Variants in PIGU observed in about 807,000 individuals in gnomAD.
The protein encoded by PIGU is phosphatidylinositol glycan anchor biosynthesis class U, also known as GPI-anchor transamidase component PIGU.
PIGU carries 24 observed loss-of-function variants against 49.9 expected under a neutral mutation model. That is an observed-to-expected ratio of 0.48 (90% CI 0.35 to 0.68). The LOEUF is 0.68. PIGU is among the 30% of genes least tolerant of loss of function. PIGU has a pLI of 0.01. For synonymous variants in PIGU, 220 were observed against 205.7 expected (o/e 1.07, Z -0.59); for missense variants, 490 against 532.6 (o/e 0.92, Z 0.79).
intron 5 of PIGU, among the ~76,000 whole-genome samples, chr20:34,636,404 C>T (rs1171912201): frequency 2.6e-5 from 4 of 151,720 alleles, no homozygotes; most frequent in African/African-American, 9.7e-5. Flanking sequence ...AATATCCAGG[C>T]GTGGTGGCGG....
At chr20:34,622,966 C>A (rs1389030833) in intron 6 of PIGU, among the ~76,000 whole-genome samples, 1 of 151,978 alleles carries the variant, frequency 6.6e-6, no homozygotes, top group Non-Finnish European at 1.5e-5. Context: ...GGGTGGGGGC[C>A]AAAAGCCTCA....
At chr20:34,565,975 G>A (rs1303477805) in intron 11 of PIGU, among the ~76,000 whole-genome samples, 1 of 149,766 alleles carries the variant, frequency 6.7e-6, no homozygotes, top group South Asian at 2.1e-4. Context: ...GCACACAGGT[G>A]CACACATACA....
At chr20:34,655,367 T>C (rs904431637) in intron 2 of PIGU, among the ~76,000 whole-genome samples, 2 of 118,462 alleles carry the variant, frequency 1.7e-5, no homozygotes, top group Non-Finnish European at 3.6e-5. Context: ...TAAAATGATA[T>C]GGCCAATAAG....
chr20:34,578,359 CAAG>C (rs934796883), intron 10 of PIGU, among the ~76,000 whole-genome samples: 2 of 152,316 alleles, frequency 1.3e-5, no homozygotes, highest in Non-Finnish European at 2.9e-5. Context: ...GTTACTACCT[CAAG>C]AAGGAGAACA....
Position 34,650,700 on chromosome 20 carries a change from C to CTTTTTTTTTTTTTTTTTT in PIGU, c.196-5384_196-5367dup, listed in dbSNP as rs59998699. ...AATTTTTTTCCTTTTCTTTTTTTCT[C>CTTTTTTTTTTTTTTTTTT]TTTTTTTTTTTTTTTTTTTTTTTTT... is the stretch of plus-strand genomic sequence containing the variant. On this transcript the variant is annotated intron_variant, in intron 2 of 11. Coordinates refer to ENST00000217446, the MANE Select transcript of PIGU (RefSeq NM_080476.5). Among the ~76,000 whole-genome samples, 143 of 38,798 alleles carry CTTTTTTTTTTTTTTTTTT rather than the reference C, an allele frequency of 3.7e-3. 35 individuals are homozygous for CTTTTTTTTTTTTTTTTTT. Among genetic ancestry groups the CTTTTTTTTTTTTTTTTTT allele is most frequent in the Non-Finnish European group, 5.0e-3 (114 of 22,820 alleles). 25.5% of individuals were successfully genotyped at this position (38,798 alleles called of 152,430 possible).
At chr20:34,575,012 C>G (rs956836377) in intron 11 of PIGU, 92 bp downstream of exon 11, 63 of 1,521,070 alleles carry the variant, frequency 4.1e-5, no homozygotes, top group Non-Finnish European at 5.0e-5. Context: ...GTCTGCACCC[C>G]CCGGTATGCA....
rs570007738 is a variant in PIGU at position 34,563,587 on chromosome 20, A to G, written c.1195-2608T>C. ...AATAAAAAATAAAGCTTCAATTAAA[A>G]CAAATCAGCCAATAAATCAATGAAT... On this transcript the variant is annotated intron_variant, in intron 11 of 11. Transcript: ENST00000217446. Among the ~76,000 whole-genome samples the G allele has an allele frequency of 4.9e-5, 7 of 143,006 alleles. No homozygotes were observed. In the South Asian group the frequency reaches 1.7e-3, roughly 35 times the overall value. The allele number at this position is 143,006 out of a possible 152,430, so 93.8% of individuals were successfully genotyped here.
intron 1 of PIGU, among the ~76,000 whole-genome samples, chr20:34,663,127 A>T (rs1481781641): frequency 6.6e-6 from 1 of 151,498 alleles, no homozygotes; most frequent in Admixed American, 6.6e-5. Flanking sequence ...CTGGTCTTGA[A>T]CTCCTGGGCT....
rs1986249489 is a variant in PIGU, at chr20:34,643,999, G to C, written c.318+165C>G. ...TATCTGTTAGTAAAGCTGTCTTGTGGGTTTGGGGTTGATCATTCCAGAGCT... is the reference window on the plus strand; with the variant it reads ...TATCTGTTAGTAAAGCTGTCTTGTGCGTTTGGGGTTGATCATTCCAGAGCT... On this transcript the variant is annotated intron_variant, in intron 4 of 11. Transcript: ENST00000217446. The C allele has an allele frequency of 5.5e-6, 3 of 543,636 alleles. No individual in the cohort carries two copies. The South Asian group carries it at 6.7e-5, about 12-fold the overall frequency. 33.7% of individuals were successfully genotyped at this position (543,636 alleles called of 1,614,324 possible).
Position 34,563,837 on chromosome 20 carries a change from C to T in PIGU, c.1195-2858G>A, listed in dbSNP as rs149496089. On this transcript the variant is annotated intron_variant, in intron 11 of 11. Transcript: ENST00000217446. Reference sequence around the variant, plus strand: ...GACCTGGCCAACACTATCTTAACCACGTGGTGGAGGTTAACATCAGCTTGA... The same window carrying T: ...GACCTGGCCAACACTATCTTAACCATGTGGTGGAGGTTAACATCAGCTTGA... 2.6e-4 allele frequency among the ~76,000 whole-genome samples: 39 copies of T among 152,268 alleles called. No individual in the cohort carries two copies. In the East Asian group the frequency reaches 3.9e-3, roughly 15 times the overall value.
intron 7 of PIGU, among the ~76,000 whole-genome samples, chr20:34,615,432 G>A (rs1378195054): frequency 6.6e-6 from 1 of 152,180 alleles, no homozygotes; most frequent in Non-Finnish European, 1.5e-5. Context: ...CACTAGTTGA[G>A]AAAAGAAAAC....
intron 11 of PIGU, among the ~76,000 whole-genome samples, chr20:34,570,417 A>ATTTATT (rs1555794811): frequency 5.7e-4 from 78 of 135,892 alleles, no homozygotes; most frequent in African/African-American, 1.7e-3. Flanking sequence ...ACTGTTATTT[A>ATTTATT]TTTTTATTTT....
intron 1 of PIGU, among the ~76,000 whole-genome samples, chr20:34,671,330 C>T (rs748899882): frequency 3.3e-5 from 5 of 151,956 alleles, no homozygotes; most frequent in African/African-American, 4.8e-5. Context: ...GGCGCGATCT[C>T]GGCTCACCGC....
intron 7 of PIGU, among the ~76,000 whole-genome samples, chr20:34,610,381 A>T (rs1212728891): frequency 3.9e-5 from 6 of 152,244 alleles, no homozygotes; most frequent in Non-Finnish European, 8.8e-5. Flanking sequence ...ATCAATGTGC[A>T]AAAATCACAA....
intron 1 of PIGU, among the ~76,000 whole-genome samples, chr20:34,667,492 T>G (rs1368921517): frequency 1.3e-5 from 2 of 149,058 alleles, no homozygotes; most frequent in Admixed American, 1.3e-4. Context: ...AAAAGTGAGA[T>G]AGAGGTATGG....
At chr20:34,567,004 C>T (rs533680212) in intron 11 of PIGU, among the ~76,000 whole-genome samples, 3 of 152,228 alleles carry the variant, frequency 2.0e-5, no homozygotes, top group African/African-American at 7.2e-5. Context: ...TGTCCACCAC[C>T]AGGGCTGCAG....
chr20:34,573,986 T>C (rs1280516517), intron 11 of PIGU, among the ~76,000 whole-genome samples: 1 of 152,224 alleles, frequency 6.6e-6, no homozygotes, highest in Non-Finnish European at 1.5e-5. Context: ...GCAGCTAACC[T>C]TGGAGGCAAG....
At chr20:34,567,845 C>T (rs138481190) in intron 11 of PIGU, among the ~76,000 whole-genome samples, 1 of 151,812 alleles carries the variant, frequency 6.6e-6, no homozygotes, top group Non-Finnish European at 1.5e-5. Context: ...TTCACCCCCA[C>T]CCAGGTCTTG....
At position 34,608,055 on chromosome 20, in the gene PIGU, C is replaced by T. The variant is rs7268869; in HGVS notation, c.627+7987G>A. Among the ~76,000 whole-genome samples the T allele has an allele frequency of 3.3e-3, 497 of 149,174 alleles. 1 individual carries two copies. Among genetic ancestry groups the T allele is most frequent in the African/African-American group, 0.012 (470 of 40,712 alleles). ...CTCTTCTTGCCCTTTTAGTGAGCAT[C>T]ACTATGGAGACATGACTTTTTTTTT... is the stretch of plus-strand genomic sequence containing the variant. On this transcript the variant is annotated intron_variant, in intron 7 of 11. Coordinates refer to ENST00000217446, the MANE Select transcript of PIGU (RefSeq NM_080476.5).
Sources: allele counts gnomAD v4.1 joint callset (sites outside exome capture counted in the v4.1 genomes callset), GRCh38; gene constraint gnomAD v4.1.1; transcripts MANE v1.5; gene names NCBI Gene and HGNC (gene_info 2026-07-23, HGNC 2026-07-21).